The following MCTP1 variants were observed in gnomAD, a reference collection of about 807,000 sequenced individuals.
MCTP1 encodes the protein multiple C2 and transmembrane domain containing 1, also known as multiple C2 and transmembrane domain-containing protein 1.
MCTP1 carries 69 observed loss-of-function variants against 120.6 expected under a neutral mutation model. That is an observed-to-expected ratio of 0.57 (90% CI 0.47 to 0.70). The LOEUF is 0.70. MCTP1 is among the 30% of genes least tolerant of loss of function. MCTP1 has a pLI of 0.00. For missense variants in MCTP1, 1,203 were observed against 1,248.8 expected (o/e 0.96, Z 0.55); for synonymous variants, 529 against 493.1 (o/e 1.07, Z -0.96).
At chr5:95,180,187 A>G (rs1748449039) in intron 1 of MCTP1, among the ~76,000 whole-genome samples, 1 of 152,226 alleles carries the variant, frequency 6.6e-6, no homozygotes, top group African/African-American at 2.4e-5. Context: ...ACAGAAGGCA[A>G]CACAACAATA....
chr5:94,870,520 G>C, intron 15 of MCTP1, 29 bp from the exon 16 acceptor site: 1 of 1,416,156 alleles, frequency 7.1e-7, no homozygotes, highest in Non-Finnish European at 1.0e-6. Flanking sequence ...GTCTGTTATG[G>C]ATTAATATAT....
At chr5:95,232,158 T>TAAAAAAAAA (rs35731165) in intron 1 of MCTP1, among the ~76,000 whole-genome samples, 2 of 66,990 alleles carry the variant, frequency 3.0e-5, no homozygotes, top group African/African-American at 1.2e-4. Flanking sequence ...AAGTGATCAC[T>TAAAAAAAAA]AAAAAAAAAA....
chr5:95,254,153 T>C (rs1175176464), intron 1 of MCTP1, among the ~76,000 whole-genome samples: 1 of 152,152 alleles, frequency 6.6e-6, no homozygotes, highest in South Asian at 2.1e-4. Context: ...GATCTGGAAT[T>C]TTTCACTGAC....
intron 1 of MCTP1, among the ~76,000 whole-genome samples, chr5:95,121,120 T>C (rs574542067): frequency 2.6e-5 from 4 of 151,508 alleles, no homozygotes; most frequent in Admixed American, 1.3e-4. Flanking sequence ...CTACTAAAAA[T>C]ACAAAAAATT....
chr5:94,708,738 C>G (rs960482699), intron 21 of MCTP1, 129 bp from the exon 22 acceptor site: 1 of 572,762 alleles, frequency 1.7e-6, no homozygotes, highest in East Asian at 2.9e-5. Flanking sequence ...TCCTCTTTTT[C>G]TCCTTCATTT....
chr5:94,818,394 T>C (rs972256560), intron 17 of MCTP1, among the ~76,000 whole-genome samples: 1 of 152,228 alleles, frequency 6.6e-6, no homozygotes, highest in Non-Finnish European at 1.5e-5. Flanking sequence ...TCTCTGGCAG[T>C]AGGGCCTGGA....
intron 1 of MCTP1, among the ~76,000 whole-genome samples, chr5:95,257,840 T>G (rs1221926480): frequency 4.6e-5 from 1 of 21,834 alleles, no homozygotes; most frequent in Non-Finnish European, 8.8e-5. Context: ...CAGACGGGAG[T>G]ATATCAAAGG....
chr5:94,839,369 G>A (rs1291316416), intron 17 of MCTP1, among the ~76,000 whole-genome samples: 3 of 152,120 alleles, frequency 2.0e-5, no homozygotes, highest in Non-Finnish European at 4.4e-5. Context: ...AGAGTAGGAG[G>A]TCATTAAGCC....
chr5:94,852,942 T>G (rs922439661), intron 17 of MCTP1, among the ~76,000 whole-genome samples: 4 of 152,016 alleles, frequency 2.6e-5, no homozygotes, highest in African/African-American at 9.7e-5. Flanking sequence ...CATTGTTCAC[T>G]ATTTTCAAAG....
chr5:95,137,252 G>A (rs1759517767), intron 1 of MCTP1, among the ~76,000 whole-genome samples: 1 of 152,206 alleles, frequency 6.6e-6, no homozygotes, highest in Non-Finnish European at 1.5e-5. Context: ...GAAGAGGATA[G>A]ATTCCGCAAT....
chr5:94,710,624 T>G lies in MCTP1; in HGVS notation c.2830+194A>C. The G allele has an allele frequency of 5.9e-6, 3 of 505,774 alleles. No homozygotes were observed. The South Asian group carries it at 8.6e-5, about 15-fold the overall frequency. 31.3% of individuals were successfully genotyped at this position (505,774 alleles called of 1,614,324 possible). A position where few individuals can be genotyped will look rare whatever the true frequency, so the allele number is the denominator to read the frequency against. ...GTATGATGAAGCCTAGTGTGCCAGA[T>G]AAGAAAAATACATTTTGCAGGTGGA... On this transcript the variant is annotated intron_variant, in intron 21 of 22. Transcript: ENST00000515393.
At chr5:94,890,312 C>T in intron 11 of MCTP1, among the ~76,000 whole-genome samples, 1 of 152,108 alleles carries the variant, frequency 6.6e-6, no homozygotes, top group East Asian at 1.9e-4. Flanking sequence ...GCCTAATTAT[C>T]AATATTAAAT....
chr5:95,097,059 C>CT (rs557554958), intron 1 of MCTP1, among the ~76,000 whole-genome samples: 1 of 152,136 alleles, frequency 6.6e-6, no homozygotes, highest in South Asian at 2.1e-4. Flanking sequence ...TTTTTTATAA[C>CT]TTTTTCCCCT....
intron 17 of MCTP1, among the ~76,000 whole-genome samples, chr5:94,812,409 A>T (rs1382866591): frequency 6.6e-6 from 1 of 151,832 alleles, no homozygotes; most frequent in Non-Finnish European, 1.5e-5. Context: ...AGCAAGTGTA[A>T]ACATGAACCA....
intron 11 of MCTP1, among the ~76,000 whole-genome samples, chr5:94,889,722 A>G (rs1175376618): frequency 6.6e-6 from 1 of 150,468 alleles, no homozygotes; most frequent in Non-Finnish European, 1.5e-5. Context: ...TTCAGTATAA[A>G]TTACCCTTCC....
At chr5:94,847,591 G>A (rs1309644149) in intron 17 of MCTP1, among the ~76,000 whole-genome samples, 1 of 151,392 alleles carries the variant, frequency 6.6e-6, no homozygotes, top group Non-Finnish European at 1.5e-5. Flanking sequence ...GAAGGGATCT[G>A]GGGAGATGTA....
intron 5 of MCTP1, among the ~76,000 whole-genome samples, chr5:94,932,562 A>G (rs947363643): frequency 2.6e-5 from 4 of 152,056 alleles, no homozygotes; most frequent in African/African-American, 9.7e-5. Context: ...CTTGTGTCAT[A>G]CTAAGAAATA....
At chr5:95,095,943 G>C (rs79297321) in intron 1 of MCTP1, among the ~76,000 whole-genome samples, 1,706 of 152,248 alleles carry the variant, frequency 0.011, 35 homozygotes, top group African/African-American at 0.039. Context: ...CCCTGAGGGG[G>C]AAACGAGACC....
intron 1 of MCTP1, among the ~76,000 whole-genome samples, chr5:95,196,420 G>A (rs1303249939): frequency 6.6e-6 from 1 of 152,112 alleles, no homozygotes; most frequent in Non-Finnish European, 1.5e-5. Context: ...ACACAAAGCT[G>A]GAAAGTGGCA....
Sources: gnomAD v4.1 joint callset for allele counts (sites outside exome capture counted in the v4.1 genomes callset) on GRCh38, gnomAD v4.1.1 for gene constraint, MANE v1.5 for transcripts, NCBI Gene and HGNC (gene_info 2026-07-23, HGNC 2026-07-21) for gene names.